PLEKHM3: variants seen among roughly 807,000 people sequenced by gnomAD.
PLEKHM3 encodes pleckstrin homology domain containing M3, also known as pleckstrin homology domain-containing family M member 3.
A neutral mutation model predicts 81.8 loss-of-function variants in PLEKHM3; 45 were observed. The observed-to-expected ratio is 0.55, with a 90% CI of 0.43 to 0.71. The LOEUF is 0.71. Among genes scored for constraint, PLEKHM3 ranks in the 30% least tolerant of loss-of-function variants. PLEKHM3 has a pLI of 0.00. For missense variants in PLEKHM3, 788 were observed against 924.3 expected, an observed-to-expected ratio of 0.85 and a Z score of 1.91; for synonymous variants, 352 against 356.4, an observed-to-expected ratio of 0.99 and a Z score of 0.14.
chr2:207,959,998 C>T (rs1690675710), intron 3 of PLEKHM3, among the ~76,000 whole-genome samples: 1 of 152,162 alleles, frequency 6.6e-6, no homozygotes, highest in Admixed American at 6.5e-5. Flanking sequence ...TTTGTGACTA[C>T]CTCCAAAGCT....
At chr2:207,877,397 A>G (rs2092564601) in intron 6 of PLEKHM3, among the ~76,000 whole-genome samples, 1 of 152,060 alleles carries the variant, frequency 6.6e-6, no homozygotes, top group Admixed American at 6.6e-5. Flanking sequence ...ATCTAGATTC[A>G]TTTGCTCCTG....
At chr2:207,921,401 T>G (rs993347786) in intron 5 of PLEKHM3, among the ~76,000 whole-genome samples, 10 of 152,154 alleles carry the variant, frequency 6.6e-5, no homozygotes, top group African/African-American at 1.9e-4. Context: ...TATAATGATA[T>G]GTATTGATAG....
At chr2:207,897,924 C>T (rs956729753) in intron 6 of PLEKHM3, among the ~76,000 whole-genome samples, 1 of 152,176 alleles carries the variant, frequency 6.6e-6, no homozygotes, top group Non-Finnish European at 1.5e-5. Flanking sequence ...TTCAGCCTTC[C>T]TAATGTTTGC....
At chr2:207,966,050 C>T (rs1690897543) in intron 3 of PLEKHM3, among the ~76,000 whole-genome samples, 1 of 152,230 alleles carries the variant, frequency 6.6e-6, no homozygotes, top group Non-Finnish European at 1.5e-5. Flanking sequence ...GAAGGAAAGT[C>T]TAAGACCTTT....
At chr2:207,984,752 T>C (rs1241804962) in intron 2 of PLEKHM3, among the ~76,000 whole-genome samples, 2 of 152,248 alleles carry the variant, frequency 1.3e-5, no homozygotes, top group African/African-American at 4.8e-5. Context: ...CTTTTAAGTC[T>C]TTTTAAATCT....
intron 7 of PLEKHM3, among the ~76,000 whole-genome samples, chr2:207,844,475 T>TG (rs1187841171): frequency 2.7e-4 from 41 of 149,836 alleles, no homozygotes; most frequent in Middle Eastern, 3.4e-3. Context: ...GAGAATTTTT[T>TG]TTTTTTTTTT....
intron 3 of PLEKHM3, among the ~76,000 whole-genome samples, chr2:207,961,742 G>C (rs1352690802): frequency 6.6e-6 from 1 of 152,098 alleles, no homozygotes; most frequent in Non-Finnish European, 1.5e-5. Flanking sequence ...GTCCAGAGCT[G>C]GTCAGTTTCT....
intron 4 of PLEKHM3, among the ~76,000 whole-genome samples, chr2:207,935,200 C>T (rs565780506): frequency 6.8e-4 from 104 of 152,310 alleles, no homozygotes; most frequent in Middle Eastern, 6.8e-3. Context: ...ATGTATGCCA[C>T]ACACCACTTT....
rs1462088585 is a variant in PLEKHM3, at chr2:207,861,111, G to A, written c.2102C>T (p.Thr701Ile). 14 of 1,612,814 alleles carry A rather than the reference G, an allele frequency of 8.7e-6. No individual in the cohort carries two copies. Among genetic ancestry groups the A allele is most frequent in the Non-Finnish European group, 1.2e-5 (14 of 1,179,720 alleles). The change falls in exon 7 of 8, where the codon ACA (threonine) becomes ATA (isoleucine). Residue 701 changes from threonine (T) to isoleucine (I), a missense_variant. By Grantham distance (89) the Thr-to-Ile change is moderately conservative. Coordinates refer to ENST00000427836, the MANE Select transcript of PLEKHM3 (RefSeq NM_001080475.3). ...EILYPFEDIS[T>I]SRCESCGAVF... ...GAAATAAGATATTCTGTACCTGCTT[G>A]TTGAAATATCCTCAAAAGGGTAGAG...
intron 3 of PLEKHM3, among the ~76,000 whole-genome samples, chr2:207,951,794 T>C (rs1356728071): frequency 6.6e-6 from 1 of 152,214 alleles, no homozygotes; most frequent in Non-Finnish European, 1.5e-5. Flanking sequence ...TTAACTCAAC[T>C]GGCTGCAGTT....
At chr2:207,846,601 T>C (rs959071002) in intron 7 of PLEKHM3, among the ~76,000 whole-genome samples, 1 of 151,966 alleles carries the variant, frequency 6.6e-6, no homozygotes, top group African/African-American at 2.4e-5. Flanking sequence ...AGAGCACCTG[T>C]AGTCCCAGCT....
In PLEKHM3 at chr2:207,992,077, G is replaced by A. The variant is rs370757331; in HGVS notation, c.610+8953C>T. 6.4e-4 allele frequency among the ~76,000 whole-genome samples: 97 copies of A among 152,304 alleles called. 1 individual carries two copies. Among genetic ancestry groups the A allele is most frequent in the African/African-American group, 2.2e-3 (91 of 41,568 alleles). On this transcript the variant is annotated intron_variant, in intron 2 of 7. Transcript: ENST00000427836. ...TGGCCAAGGTTATACCACAAAGTGGGCAAGTTGAGAGTGGAACTCCAACCT... is the reference window on the plus strand; with the variant it reads ...TGGCCAAGGTTATACCACAAAGTGGACAAGTTGAGAGTGGAACTCCAACCT...
chr2:207,989,638 T>G, intron 2 of PLEKHM3, among the ~76,000 whole-genome samples: 1 of 152,196 alleles, frequency 6.6e-6, no homozygotes, highest in East Asian at 1.9e-4. Context: ...TCTGATTGGT[T>G]TCCATCCCTT....
chr2:207,933,780 A>G (rs751984352), intron 4 of PLEKHM3, among the ~76,000 whole-genome samples: 2 of 152,240 alleles, frequency 1.3e-5, no homozygotes, highest in Non-Finnish European at 2.9e-5. Flanking sequence ...CGTTTCAACC[A>G]TGTCGGAGGC....
intron 4 of PLEKHM3, among the ~76,000 whole-genome samples, chr2:207,931,569 A>G (rs944056154): frequency 6.6e-5 from 10 of 152,276 alleles, no homozygotes; most frequent in Admixed American, 6.5e-4. Flanking sequence ...AAAGGAATTA[A>G]GAAGACTGTT....
chr2:207,882,564 A>T (rs1295031026), intron 6 of PLEKHM3, among the ~76,000 whole-genome samples: 1 of 140,944 alleles, frequency 7.1e-6, no homozygotes, highest in Non-Finnish European at 1.5e-5. Flanking sequence ...GTGAGCCCAG[A>T]TCGCGTCATT....
intron 1 of PLEKHM3, among the ~76,000 whole-genome samples, chr2:208,021,910 A>T (rs1693144179): frequency 6.6e-6 from 1 of 152,242 alleles, no homozygotes; most frequent in Admixed American, 6.5e-5. Flanking sequence ...ATAACACTGT[A>T]TCTATTGATG....
intron 2 of PLEKHM3, among the ~76,000 whole-genome samples, chr2:207,983,074 C>T (rs1212127468): frequency 1.6e-5 from 2 of 124,396 alleles, no homozygotes; most frequent in African/African-American, 2.9e-5. Context: ...TTTTTTGAGA[C>T]GGAGTCTCGC....
intron 5 of PLEKHM3, among the ~76,000 whole-genome samples, chr2:207,910,523 C>G (rs1688777835): frequency 6.6e-6 from 1 of 152,156 alleles, no homozygotes; most frequent in Non-Finnish European, 1.5e-5. Flanking sequence ...AGGCAAAGAC[C>G]AATTTGCCCA....
Sources: allele counts gnomAD v4.1 joint callset (sites outside exome capture counted in the v4.1 genomes callset), GRCh38; gene constraint gnomAD v4.1.1; transcripts MANE v1.5; gene names NCBI Gene and HGNC (gene_info 2026-07-23, HGNC 2026-07-21).